The following C6orf62 variants were observed in gnomAD, a reference collection of about 807,000 sequenced individuals.
The protein encoded by C6orf62 is uncharacterized protein C6orf62.
A neutral mutation model predicts 26.8 loss-of-function variants in C6orf62; 16 were observed. That is an observed-to-expected ratio of 0.60 (90% confidence interval 0.40 to 0.91). The LOEUF is 0.91. C6orf62 is among the 40% of genes least tolerant of loss of function. The pLI is 0.00. For missense variants in C6orf62, 192 were observed against 271.4 expected (o/e 0.71, Z 2.06); for synonymous variants, 112 against 91.5 (o/e 1.22, Z -1.28).
chr6:24,720,117 GTT>G (rs1779325480), upstream of C6orf62: 1 of 1,382,696 alleles, frequency 7.2e-7, no homozygotes, highest in Non-Finnish European at 9.3e-7. Context: ...GGGGTCGTTA[GTT>G]GTTTCCCGAG....
Position 24,708,220 on chromosome 6 carries a change from T to C in C6orf62, c.564+557A>G, listed in dbSNP as rs529073958. Among the ~76,000 whole-genome samples the C allele has an allele frequency of 1.2e-4, 18 of 149,888 alleles. No individual in the cohort carries two copies. In the South Asian group the frequency reaches 1.9e-3, roughly 16 times the overall value. ...CTACTGTTCACTAGAATCATGACTT[T>C]TAAAAGCTTCGAAGGAGGTGGGTTT... is the stretch of plus-strand genomic sequence containing the variant. On this transcript the variant is annotated intron_variant, in intron 4 of 4. Coordinates refer to ENST00000378119, the MANE Select transcript of C6orf62 (RefSeq NM_030939.5).
chr6:24,709,413 A>G, intron 3 of C6orf62: 1 of 970,388 alleles, frequency 1.0e-6, no homozygotes, highest in Non-Finnish European at 1.2e-6. Flanking sequence ...GCTGTTTCTA[A>G]GAAAAAAAAA....
chr6:24,708,611 T>TA (rs1779060250), intron 4 of C6orf62, among the ~76,000 whole-genome samples, 166 bp downstream of exon 4: 1 of 152,266 alleles, frequency 6.6e-6, no homozygotes, highest in African/African-American at 2.4e-5. Context: ...GTGCTGGGAT[T>TA]ACAGGCATGA....
intron 3 of C6orf62, among the ~76,000 whole-genome samples, chr6:24,713,472 GAAGCAAAAGTTTT>G (rs147618131): frequency 0.044 from 6,731 of 152,210 alleles, 412 homozygotes; most frequent in African/African-American, 0.14. Flanking sequence ...GTAATAAGTA[GAAGCAAAAGTTTT>G]AAATGACAAA....
Position 24,705,238 on chromosome 6 carries a change from G to A in C6orf62, c.*899C>T, listed in dbSNP as rs1778983921. 6.6e-6 allele frequency: 1 copy of A among 152,298 alleles called. No individual in the cohort carries two copies. The highest frequency in any genetic ancestry group is 1.5e-5 in the Non-Finnish European group (1 of 67,990). 9.4% of individuals were successfully genotyped at this position (152,298 alleles called of 1,614,324 possible). The stretch of plus-strand genomic sequence containing the variant: ...CCCTTGTAAAGTTTTTCTTTAGGAT[G>A]GTGTAAAAACCAGCATTTCTGCACA... On this transcript the variant is annotated 3_prime_UTR_variant, in exon 5 of 5. Transcript: ENST00000378119.
upstream of C6orf62, chr6:24,719,827 C>G: frequency 1.9e-6 from 3 of 1,549,366 alleles, no homozygotes; most frequent in Non-Finnish European, 1.7e-6. Context: ...CAGGTCCCAC[C>G]CCCACCCCTT....
intron 3 of C6orf62, chr6:24,709,888 T>C: frequency 1.0e-6 from 1 of 985,452 alleles, no homozygotes; most frequent in Non-Finnish European, 1.2e-6. Flanking sequence ...TAGTCCATTT[T>C]GGTTCAAACA....
At chr6:24,719,907 C>G (rs1779319932), upstream of C6orf62, 1 of 1,540,842 alleles carries the variant, frequency 6.5e-7, no homozygotes, top group Non-Finnish European at 8.8e-7. Context: ...CTCATTTCAT[C>G]GTGGAAACAA....
chr6:24,707,368 T>C (rs539279347), intron 4 of C6orf62, among the ~76,000 whole-genome samples: 2 of 152,000 alleles, frequency 1.3e-5, no homozygotes, highest in South Asian at 4.2e-4. Context: ...CGGTGTTTTT[T>C]TTTTTTTTGA....
At position 24,706,061 on chromosome 6, in the gene C6orf62, G is replaced by A. The variant is rs1447280829; in HGVS notation, c.*76C>T. On this transcript the variant is annotated 3_prime_UTR_variant, in exon 5 of 5. Coordinates refer to ENST00000378119, the MANE Select transcript of C6orf62 (RefSeq NM_030939.5). ...AGTCCATTTTCTTTAAACTCTGAAA[G>A]AATAAAGTGGTAAGAAAACAAGAAA... 3 of 1,572,888 alleles carry A rather than the reference G, an allele frequency of 1.9e-6. No homozygotes were observed. The highest frequency in any genetic ancestry group is 2.3e-5 in the South Asian group (2 of 85,776).
At chr6:24,720,013 G>GGGGCCCCCCCC, upstream of C6orf62, 1 of 1,479,410 alleles carries the variant, frequency 6.8e-7, no homozygotes, top group Non-Finnish European at 9.0e-7. Flanking sequence ...TCTAAAGTAA[G>GGGGCCCCCCCC]CCCACCCACC....
At chr6:24,719,927 G>T, upstream of C6orf62, 1 of 1,543,602 alleles carries the variant, frequency 6.5e-7, no homozygotes. Context: ...ATTCCCGCCC[G>T]GGTGGAGTGG....
chr6:24,719,948 G>A (rs780251494), upstream of C6orf62: 46 of 1,550,320 alleles, frequency 3.0e-5, no homozygotes, highest in South Asian at 2.7e-4. Flanking sequence ...GCGGGAGAGG[G>A]TAAATGGGAA....
At chr6:24,719,717 A>G, upstream of C6orf62, 2 of 1,506,646 alleles carry the variant, frequency 1.3e-6, no homozygotes, top group Non-Finnish European at 1.8e-6. Flanking sequence ...AATGGTGGGG[A>G]GTGCGATTTA....
chr6:24,720,499 G>C (rs980749871), upstream of C6orf62: 3 of 601,826 alleles, frequency 5.0e-6, no homozygotes, highest in Admixed American at 1.1e-4. Flanking sequence ...AGCGGCAACA[G>C]GGAGAGAAAA....
At chr6:24,720,392 T>C (rs1248194375), upstream of C6orf62, 2 of 1,168,246 alleles carry the variant, frequency 1.7e-6, no homozygotes, top group Non-Finnish European at 1.1e-6. Flanking sequence ...GCACCGTGAC[T>C]GGACCGCCCG....
chr6:24,719,274 G>A (rs534783454), upstream of C6orf62: 29 of 988,782 alleles, frequency 2.9e-5, no homozygotes, highest in African/African-American at 3.7e-4. Context: ...CATGGCTGTA[G>A]TACCTAATTC....
chr6:24,706,426 A>G (rs1779011262), intron 4 of C6orf62, among the ~76,000 whole-genome samples, 164 bp from the exon 5 acceptor site: 1 of 152,230 alleles, frequency 6.6e-6, no homozygotes, highest in Non-Finnish European at 1.5e-5. Flanking sequence ...GCCATATAAG[A>G]TAAAGGAAAA....
chr6:24,720,250 G>A (rs1011760895), upstream of C6orf62: 6 of 1,298,234 alleles, frequency 4.6e-6, no homozygotes, highest in Non-Finnish European at 4.9e-6. Context: ...CCCTCTAGCC[G>A]CAGCCTGCGG....
Sources: allele counts gnomAD v4.1 joint callset (sites outside exome capture counted in the v4.1 genomes callset), GRCh38; gene constraint gnomAD v4.1.1; transcripts MANE v1.5; gene names NCBI Gene and HGNC (gene_info 2026-07-23, HGNC 2026-07-21).